The following HS6ST2 variants were observed in gnomAD, a reference collection of about 807,000 sequenced individuals.
The protein encoded by HS6ST2 is heparan sulfate 6-O-sulfotransferase 2.
A neutral mutation model predicts 33.0 loss-of-function variants in HS6ST2; 17 were observed. That is an observed-to-expected ratio of 0.52 (90% confidence interval 0.35 to 0.77). The LOEUF is 0.77. HS6ST2 is among the 30% of genes least tolerant of loss of function. The pLI is 0.01. For missense variants in HS6ST2, 519 were observed against 551.7 expected, an observed-to-expected ratio of 0.94 and a Z score of 0.59; for synonymous variants, 248 against 237.1, an observed-to-expected ratio of 1.05 and a Z score of -0.42.
At chrX:132,834,616 A>C (rs941302872) in intron 2 of HS6ST2, among the ~76,000 whole-genome samples, 11 of 112,334 alleles carry the variant, frequency 9.8e-5, no homozygotes, top group African/African-American at 3.6e-4. Flanking sequence ...ACTCAATGAA[A>C]AAGATATAAT....
At chrX:132,907,625 C>T (rs2066486999) in intron 2 of HS6ST2, 1 of 111,728 alleles carries the variant, frequency 9.0e-6, no homozygotes, top group African/African-American at 3.3e-5. Flanking sequence ...ACTCACCTCA[C>T]TGGAAGTTGC....
intron 2 of HS6ST2, among the ~76,000 whole-genome samples, chrX:132,942,050 C>T (rs1005617292): frequency 9.0e-6 from 1 of 111,613 alleles, no homozygotes; most frequent in African/African-American, 3.3e-5. Flanking sequence ...TCATAAATAG[C>T]CTACTATGCA....
At chrX:132,685,602 T>C (rs1288761563) in intron 3 of HS6ST2, among the ~76,000 whole-genome samples, 1 of 111,667 alleles carries the variant, frequency 9.0e-6, no homozygotes, top group African/African-American at 3.3e-5. Flanking sequence ...CCAGAGCTGT[T>C]CCCTGGGAAC....
At chrX:132,727,249 A>G (rs1011510) in intron 2 of HS6ST2, among the ~76,000 whole-genome samples, 2,491 of 103,367 alleles carry the variant, frequency 0.024, 56 homozygotes, top group East Asian at 0.15. Flanking sequence ...GGGGGGGGGC[A>G]TAGAGATGAA....
chrX:132,860,900 G>A (rs1317341576), intron 2 of HS6ST2, among the ~76,000 whole-genome samples: 2 of 101,590 alleles, frequency 2.0e-5, no homozygotes, highest in South Asian at 4.7e-4. Flanking sequence ...TGATTTTCCT[G>A]CCTCAGCCTC....
chrX:132,862,166 A>G (rs1444373942), intron 2 of HS6ST2, among the ~76,000 whole-genome samples: 1 of 112,378 alleles, frequency 8.9e-6, no homozygotes, highest in Non-Finnish European at 1.9e-5. Flanking sequence ...TCACAGTAAT[A>G]TAAGAATATA....
chrX:132,673,210 T>C (rs2063897515), intron 3 of HS6ST2, among the ~76,000 whole-genome samples: 1 of 112,580 alleles, frequency 8.9e-6, no homozygotes, highest in African/African-American at 3.2e-5. Flanking sequence ...TATATTTTAT[T>C]ATTTATCTGT....
intron 2 of HS6ST2, among the ~76,000 whole-genome samples, chrX:132,868,232 A>T (rs1028017496): frequency 8.9e-6 from 1 of 112,398 alleles, no homozygotes; most frequent in Non-Finnish European, 1.9e-5. Flanking sequence ...AAGAAGAGCT[A>T]ACTATCCTAA....
At chrX:132,935,743 A>T (rs1391480898) in intron 2 of HS6ST2, among the ~76,000 whole-genome samples, 4 of 110,942 alleles carry the variant, frequency 3.6e-5, no homozygotes, top group Admixed American at 9.7e-5. Flanking sequence ...TCAAGGAAAA[A>T]ATCACAAAGG....
chrX:132,811,019 C>T (rs979170551), intron 2 of HS6ST2, among the ~76,000 whole-genome samples: 1 of 111,659 alleles, frequency 9.0e-6, no homozygotes, highest in African/African-American at 3.3e-5. Flanking sequence ...AGCTGATATA[C>T]CTACTACATT....
chrX:132,781,945 A>G (rs1279521851), intron 2 of HS6ST2, among the ~76,000 whole-genome samples: 1 of 111,829 alleles, frequency 8.9e-6, no homozygotes, highest in African/African-American at 3.3e-5. Context: ...GGTCAGATGA[A>G]CAAGAGCCTT....
intron 2 of HS6ST2, among the ~76,000 whole-genome samples, chrX:132,759,650 AATGTT>A (rs1236402866): frequency 6.3e-5 from 7 of 111,559 alleles, no homozygotes; most frequent in African/African-American, 2.3e-4. Flanking sequence ...TTAAATAGTG[AATGTT>A]ATGTTATGTG....
chrX:132,822,411 C>T (rs2065469265), intron 2 of HS6ST2, among the ~76,000 whole-genome samples: 1 of 111,294 alleles, frequency 9.0e-6, no homozygotes, highest in Non-Finnish European at 1.9e-5. Flanking sequence ...CTGGGCAAAC[C>T]AAGACCATGG....
chrX:132,806,373 C>A (rs2065283452), intron 2 of HS6ST2, among the ~76,000 whole-genome samples: 1 of 109,226 alleles, frequency 9.2e-6, no homozygotes, highest in Non-Finnish European at 1.9e-5. Context: ...TTTGTTATGA[C>A]TTGTATAATT....
At chrX:132,637,875 A>AATATATT (rs2063569468) in intron 4 of HS6ST2, among the ~76,000 whole-genome samples, 1 of 37,033 alleles carries the variant, frequency 2.7e-5, no homozygotes, top group East Asian at 8.6e-4. Context: ...TATTATATAT[A>AATATATT]ATATATATAT....
At chrX:132,698,247 A>C (rs1392715384) in intron 3 of HS6ST2, among the ~76,000 whole-genome samples, 1 of 112,586 alleles carries the variant, frequency 8.9e-6, no homozygotes, top group African/African-American at 3.2e-5. Context: ...GACTAATGAA[A>C]TGAGAGAACT....
chrX:132,877,529 C>T (rs969022374), intron 2 of HS6ST2, among the ~76,000 whole-genome samples: 4 of 111,289 alleles, frequency 3.6e-5, no homozygotes, highest in African/African-American at 1.3e-4. Context: ...GGCTTGAGTC[C>T]TTCAGCTCTA....
intron 4 of HS6ST2, among the ~76,000 whole-genome samples, chrX:132,654,604 G>A (rs1166071410): frequency 8.9e-6 from 1 of 112,018 alleles, no homozygotes; most frequent in Non-Finnish European, 1.9e-5. Flanking sequence ...ATTTTTTTTA[G>A]AACTTTTTCA....
intron 2 of HS6ST2, among the ~76,000 whole-genome samples, chrX:132,893,251 C>A (rs1034174598): frequency 2.7e-5 from 3 of 112,145 alleles, no homozygotes; most frequent in African/African-American, 9.7e-5. Flanking sequence ...TCTGAGGATG[C>A]CTCCTTAACT....
Sources: gnomAD v4.1 joint callset for allele counts (sites outside exome capture counted in the v4.1 genomes callset) on GRCh38, gnomAD v4.1.1 for gene constraint, MANE v1.5 for transcripts, NCBI Gene and HGNC (gene_info 2026-07-23, HGNC 2026-07-21) for gene names.